Variants in RAB10 observed in about 807,000 individuals in gnomAD.
RAB10 encodes ras-related protein Rab-10.
A neutral mutation model predicts 25.7 loss-of-function variants in RAB10; 5 were observed. The observed-to-expected ratio is 0.19, with a 90% CI of 0.10 to 0.41. The LOEUF is 0.41. RAB10 is among the 10% of genes least tolerant of loss of function. The pLI is 1.00. For missense variants in RAB10, 103 were observed against 245.8 expected (o/e 0.42, Z 3.89); for synonymous variants, 89 against 86.4 (o/e 1.03, Z -0.16).
chr2:26,046,951 A>G (rs1041332366), intron 1 of RAB10, among the ~76,000 whole-genome samples: 7 of 152,188 alleles, frequency 4.6e-5, no homozygotes, highest in African/African-American at 1.4e-4. Flanking sequence ...GTAAAAGGTA[A>G]TACAAAGGGA....
At chr2:26,045,279 G>T (rs562223736) in intron 1 of RAB10, among the ~76,000 whole-genome samples, 2 of 149,644 alleles carry the variant, frequency 1.3e-5, no homozygotes, top group Non-Finnish European at 3.0e-5. Flanking sequence ...TCGTTCTGTC[G>T]CCCAGGCTGG....
intron 2 of RAB10, among the ~76,000 whole-genome samples, chr2:26,106,995 C>T (rs1049361839): frequency 2.0e-5 from 3 of 152,048 alleles, no homozygotes; most frequent in Non-Finnish European, 2.9e-5. Flanking sequence ...CCTGTAACCC[C>T]AGCACTTTGG....
intron 1 of RAB10, among the ~76,000 whole-genome samples, chr2:26,092,656 T>A (rs1487774455): frequency 1.3e-5 from 2 of 152,150 alleles, no homozygotes; most frequent in Non-Finnish European, 2.9e-5. Flanking sequence ...ATGCCTAGTT[T>A]CCATGCCAGG....
intron 1 of RAB10, among the ~76,000 whole-genome samples, chr2:26,053,911 G>C (rs1666190352): frequency 6.6e-6 from 1 of 151,062 alleles, no homozygotes; most frequent in Admixed American, 6.6e-5. Flanking sequence ...GTAGAGACAG[G>C]GTTTCATCAT....
At chr2:26,098,772 G>T (rs1188126239) in intron 2 of RAB10, 50 bp downstream of exon 2, 1 of 1,421,600 alleles carries the variant, frequency 7.0e-7, no homozygotes, top group Non-Finnish European at 9.7e-7. Flanking sequence ...GTTCCTTAAG[G>T]TTTCACAGTG....
At chr2:26,045,405 A>C (rs1006968093) in intron 1 of RAB10, among the ~76,000 whole-genome samples, 4 of 151,940 alleles carry the variant, frequency 2.6e-5, no homozygotes, top group Non-Finnish European at 5.9e-5. Context: ...ACGCCCAGCT[A>C]ATTTTTTGTA....
chr2:26,078,476 A>T (rs578162335), intron 1 of RAB10, among the ~76,000 whole-genome samples: 2 of 152,230 alleles, frequency 1.3e-5, no homozygotes, highest in Non-Finnish European at 2.9e-5. Context: ...TGTACAGATC[A>T]GTGGAATAGA....
intron 3 of RAB10, among the ~76,000 whole-genome samples, chr2:26,118,323 C>T (rs74595549): frequency 0.015 from 2,258 of 146,920 alleles, 40 homozygotes; most frequent in South Asian, 0.041. Context: ...CCTCCTCCCC[C>T]TTTTTTTTGA....
chr2:26,104,904 A>ACAAGCACACAGGTTCAAGTGATTCTCCTG (rs1559594298), intron 2 of RAB10, among the ~76,000 whole-genome samples: 1 of 151,688 alleles, frequency 6.6e-6, no homozygotes, highest in African/African-American at 2.4e-5. Flanking sequence ...CGCCCGGCTA[A>ACAAGCACACAGGTTCAAGTGATTCTCCTG]TTTTTTGTAT....
At chr2:26,034,026 C>T (rs1025336522), upstream of RAB10, 5 of 399,354 alleles carry the variant, frequency 1.3e-5, no homozygotes, top group African/African-American at 1.0e-4. Flanking sequence ...TGCGCGTGCG[C>T]AGAGGCGGAC....
intron 1 of RAB10, among the ~76,000 whole-genome samples, chr2:26,068,813 CTAAGCAAATT>C (rs1250752779): frequency 2.0e-5 from 3 of 152,160 alleles, no homozygotes; most frequent in Non-Finnish European, 4.4e-5. Context: ...TTAAAACCAG[CTAAGCAAATT>C]TAGTGATGAC....
intron 1 of RAB10, among the ~76,000 whole-genome samples, chr2:26,058,933 A>G (rs1197562086): frequency 6.6e-6 from 1 of 152,198 alleles, no homozygotes. Flanking sequence ...TTAATTGGCC[A>G]TCTCCTTTAG....
At chr2:26,096,615 T>C (rs565615337) in intron 1 of RAB10, among the ~76,000 whole-genome samples, 94 of 152,268 alleles carry the variant, frequency 6.2e-4, no homozygotes, top group Non-Finnish European at 1.1e-3. Flanking sequence ...TTTTGATCTT[T>C]GGAACATACT....
intron 1 of RAB10, among the ~76,000 whole-genome samples, chr2:26,061,177 C>T (rs2149267166): frequency 6.9e-6 from 1 of 143,890 alleles, no homozygotes; most frequent in Middle Eastern, 4.1e-3. Flanking sequence ...TGCAGTGGTG[C>T]CATCTCAGCT....
At chr2:26,096,537 C>G (rs1451690523) in intron 1 of RAB10, among the ~76,000 whole-genome samples, 1 of 152,104 alleles carries the variant, frequency 6.6e-6, no homozygotes, top group African/African-American at 2.4e-5. Context: ...CTTTTTCTTT[C>G]TCTAGTAACT....
chr2:26,075,786 A>G (rs1186495613), intron 1 of RAB10, among the ~76,000 whole-genome samples: 7 of 152,156 alleles, frequency 4.6e-5, no homozygotes, highest in Admixed American at 3.9e-4. Flanking sequence ...ATAATATCTG[A>G]ATTCATTTTT....
At chr2:26,124,937 CTTGT>C in intron 3 of RAB10, among the ~76,000 whole-genome samples, 2 of 152,076 alleles carry the variant, frequency 1.3e-5, no homozygotes, top group Non-Finnish European at 2.9e-5. Flanking sequence ...TGTGTCAGAA[CTTGT>C]TTATTTTTTG....
chr2:26,113,666 C>T (rs1279868856), intron 3 of RAB10, among the ~76,000 whole-genome samples: 1 of 151,548 alleles, frequency 6.6e-6, no homozygotes, highest in South Asian at 2.1e-4. Context: ...TGTACCTGTC[C>T]CCTAAGATCA....
intron 3 of RAB10, among the ~76,000 whole-genome samples, chr2:26,114,406 T>A (rs1468593111): frequency 6.6e-6 from 1 of 152,190 alleles, no homozygotes; most frequent in East Asian, 1.9e-4. Flanking sequence ...AAAGATTGAT[T>A]GAATAGTATT....
Sources: allele counts gnomAD v4.1 joint callset (sites outside exome capture counted in the v4.1 genomes callset), GRCh38; gene constraint gnomAD v4.1.1; transcripts MANE v1.5; gene names NCBI Gene and HGNC (gene_info 2026-07-23, HGNC 2026-07-21).